The following PSMG4 variants were observed in gnomAD, a reference collection of about 807,000 sequenced individuals.
The protein encoded by PSMG4 is proteasome (prosome, macropain) assembly chaperone 4.
In PSMG4, 10 loss-of-function variants were observed where a neutral mutation model predicts 11.0. The ratio of observed to expected loss-of-function variants is 0.91; its 90% CI spans 0.56 to 1.54. The LOEUF (loss-of-function observed/expected upper bound fraction) is 1.54. Ranked by LOEUF, PSMG4 falls within the 40% of genes most tolerant of loss-of-function variation. The probability of loss-of-function intolerance (pLI) is 0.00; values close to 1 mark genes in which losing one functional copy is unlikely to be tolerated. For synonymous variants in PSMG4, 95 were observed against 71.3 expected, an observed-to-expected ratio of 1.33 and a Z score of -1.68; for missense variants, 198 against 160.9, an observed-to-expected ratio of 1.23 and a Z score of -1.25.
Position 3,261,071 on chromosome 6 carries a change from C to G in PSMG4, c.174+1875C>G, listed in dbSNP as rs796473502. On this transcript the variant is annotated intron_variant, in intron 1 of 2. Coordinates refer to ENST00000438998, the MANE Select transcript of PSMG4 (RefSeq NM_001128591.2). ...GTCCCTGTGGAATGAATGAGTGAGG[C>G]CCCCTCAGCGAGACCCTTCTGAAGC... Among the ~76,000 whole-genome samples, 4 of 152,268 alleles carry G rather than the reference C, an allele frequency of 2.6e-5. No homozygotes were observed. The South Asian group carries it at 8.3e-4, about 32-fold the overall frequency.
chr6:3,265,329 T>G (rs1338131199), intron 2 of PSMG4: 3 of 152,194 alleles, frequency 2.0e-5, no homozygotes, highest in East Asian at 1.9e-4. Flanking sequence ...ATCAGTATCT[T>G]ATATGAGAGA....
chr6:3,267,742 T>A lies in PSMG4; in HGVS notation c.*30T>A, dbSNP rs1432671762. On this transcript the variant is annotated 3_prime_UTR_variant, in exon 3 of 3. Coordinates refer to ENST00000438998, the MANE Select transcript of PSMG4 (RefSeq NM_001128591.2). ...GTGGCAGAAGTGAGAATTTGTAAAC[T>A]TATGTACAATGTACGTGTAAATAAA... The A allele has an allele frequency of 3.2e-6, 5 of 1,546,836 alleles. No individual in the cohort carries two copies. The highest frequency in any genetic ancestry group is 3.5e-6 in the Non-Finnish European group (4 of 1,143,274).
intron 2 of PSMG4, chr6:3,264,465 C>A: frequency 7.1e-7 from 1 of 1,402,690 alleles, no homozygotes; most frequent in Non-Finnish European, 9.4e-7. Flanking sequence ...GTGTCTCAGG[C>A]ACAGGACCTG....
chr6:3,257,708 C>T (rs993603172), upstream of PSMG4, among the ~76,000 whole-genome samples: 1 of 152,146 alleles, frequency 6.6e-6, no homozygotes, highest in African/African-American at 2.4e-5. Flanking sequence ...ATCTGTGTGG[C>T]AGGAAGCAGA....
At chr6:3,259,228 C>G (rs953299385) in intron 1 of PSMG4, 32 bp downstream of exon 1, 12 of 1,101,850 alleles carry the variant, frequency 1.1e-5, no homozygotes, top group Admixed American at 9.2e-5. Context: ...GTGCGGGCGG[C>G]GGGGCGGGGG....
At chr6:3,264,314 C>T in intron 2 of PSMG4, 1 of 1,550,690 alleles carries the variant, frequency 6.4e-7, no homozygotes. Context: ...CAACACACTT[C>T]CTGTGGGCCA....
chr6:3,257,104 G>A (rs923802300), upstream of PSMG4, among the ~76,000 whole-genome samples: 1 of 152,146 alleles, frequency 6.6e-6, no homozygotes, highest in Non-Finnish European at 1.5e-5. Flanking sequence ...TTAGGAGAGG[G>A]ACAAGGAGCT....
chr6:3,254,677 A>C (rs1347806710), upstream of PSMG4, among the ~76,000 whole-genome samples: 1 of 152,132 alleles, frequency 6.6e-6, no homozygotes, highest in East Asian at 1.9e-4. Context: ...CTGCGAAACC[A>C]CTAAACTCAA....
chr6:3,266,918 C>G lies in PSMG4; in HGVS notation c.251-673C>G, dbSNP rs909887487. On this transcript the variant is annotated intron_variant, in intron 2 of 2. Transcript: ENST00000438998. ...TTGCCCAGGCTGGAGTGCAGTGGCG[C>G]GATCTTGGCTCACTGCAAGCTCCGC... is the stretch of plus-strand genomic sequence containing the variant. 3.0e-4 allele frequency: 46 copies of G among 151,126 alleles called. 1 individual carries two copies. The highest frequency in any genetic ancestry group is 7.3e-5 in the African/African-American group (3 of 41,232). 9.4% of individuals were successfully genotyped at this position (151,126 alleles called of 1,614,324 possible).
rs1284804868 is a variant in PSMG4, at chr6:3,259,208, G to A, written c.174+12G>A. 16 of 1,284,726 alleles carry A rather than the reference G, an allele frequency of 1.2e-5. No homozygotes were observed. The highest frequency in any genetic ancestry group is 3.1e-5 in the African/African-American group (2 of 64,632). The allele number at this position is 1,284,726 out of a possible 1,614,324, so 79.6% of individuals were successfully genotyped here. ...TGTGCAGCCGCTACGTGAGTGCCTG[G>A]CGGCCGAGGGTGCGGGCGGCGGGGC... On this transcript the variant is annotated intron_variant, in intron 1 of 2. Transcript: ENST00000438998.
chr6:3,255,113 C>A, upstream of PSMG4: 1 of 1,551,078 alleles, frequency 6.4e-7, no homozygotes, highest in Non-Finnish European at 8.7e-7. Flanking sequence ...AGCACAACAT[C>A]ACCAGCTTAC....
chr6:3,257,018 C>G (rs959363917), upstream of PSMG4, among the ~76,000 whole-genome samples: 1 of 152,198 alleles, frequency 6.6e-6, no homozygotes, highest in Non-Finnish European at 1.5e-5. Context: ...ACCTTCTGTA[C>G]AAGGAGGGAC....
At chr6:3,254,736 C>T (rs9503495), upstream of PSMG4, among the ~76,000 whole-genome samples, 3,685 of 152,166 alleles carry the variant, frequency 0.024, 99 homozygotes, top group African/African-American at 0.065. Context: ...AACAAACTCC[C>T]CCTGTGCCTC....
intron 1 of PSMG4, among the ~76,000 whole-genome samples, chr6:3,261,234 C>T (rs1383386135): frequency 6.8e-6 from 1 of 146,898 alleles, no homozygotes; most frequent in Middle Eastern, 3.4e-3. Flanking sequence ...TTTCCTTTTC[C>T]TTTTTTCTTT....
At position 3,263,719 on chromosome 6, in the gene PSMG4, C is replaced by CA; in HGVS notation, c.211dup (p.Thr71AsnfsTer26). 1 of 1,551,098 alleles carries CA rather than the reference C, an allele frequency of 6.4e-7. No individual in the cohort carries two copies. The highest frequency in any genetic ancestry group is 2.4e-5 in the East Asian group (1 of 40,864). On this transcript the variant is annotated frameshift_variant, in exon 2 of 3. Transcript: ENST00000438998. LOFTEE classifies it high-confidence loss of function. The stretch of plus-strand genomic sequence containing the variant: ...CCGTGTCTACCTCCCTCCTTGGAGA[C>CA]ACTTCCGACACGACCTCTACTGGCC...
At chr6:3,260,010 G>A (rs1757917500) in intron 1 of PSMG4, among the ~76,000 whole-genome samples, 1 of 152,084 alleles carries the variant, frequency 6.6e-6, no homozygotes, top group African/African-American at 2.4e-5. Flanking sequence ...CATTATTATA[G>A]CTCACTGTCA....
chr6:3,259,264 C>G (rs971552092), intron 1 of PSMG4, 68 bp downstream of exon 1: 3 of 1,204,370 alleles, frequency 2.5e-6, no homozygotes, highest in Non-Finnish European at 3.1e-6. Context: ...CCTGCGCGAG[C>G]TGCAGCCCCC....
upstream of PSMG4, among the ~76,000 whole-genome samples, chr6:3,254,428 C>T (rs532270732): frequency 2.3e-4 from 33 of 146,110 alleles, no homozygotes; most frequent in East Asian, 2.0e-3. Context: ...GGAGGTATGG[C>T]TTTGTGCTGT....
upstream of PSMG4, chr6:3,255,148 G>A (rs995485950): frequency 9.7e-6 from 15 of 1,550,892 alleles, no homozygotes; most frequent in East Asian, 2.4e-5. Flanking sequence ...TCTCTTTGAG[G>A]AGCAGGGCCA....
Sources: gnomAD v4.1 joint callset for allele counts (sites outside exome capture counted in the v4.1 genomes callset) on GRCh38, gnomAD v4.1.1 for gene constraint, MANE v1.5 for transcripts, NCBI Gene and HGNC (gene_info 2026-07-23, HGNC 2026-07-21) for gene names.